SEC24A: variants seen among roughly 807,000 people sequenced by gnomAD.
SEC24A encodes the protein protein transport protein Sec24A.
SEC24A carries 93 observed loss-of-function variants against 129.4 expected under a neutral mutation model. The observed-to-expected ratio is 0.72, with a 90% CI of 0.61 to 0.85. SEC24A has a LOEUF of 0.85. SEC24A is among the 40% of genes least tolerant of loss of function. SEC24A has a pLI of 0.00. For missense variants in SEC24A, 1,264 were observed against 1,307.4 expected (o/e 0.97, Z 0.51); for synonymous variants, 460 against 467.3 (o/e 0.98, Z 0.20).
At position 134,725,996 on chromosome 5, in the gene SEC24A, G is replaced by C. The variant is rs551882959; in HGVS notation, c.*902G>C. On this transcript the variant is annotated 3_prime_UTR_variant, in exon 23 of 23. Transcript: ENST00000398844. ...TGAAGAAATGAAAGGTTTCTAAAGT[G>C]CTATCCAAATACATCAGTAACATTT... is the stretch of plus-strand genomic sequence containing the variant. 1 of 152,414 alleles carries C rather than the reference G, an allele frequency of 6.6e-6. No homozygotes were observed. Among genetic ancestry groups the C allele is most frequent in the African/African-American group, 2.4e-5 (1 of 41,560 alleles). The allele number at this position is 152,414 out of a possible 1,614,324, so 9.4% of individuals were successfully genotyped here.
Position 134,725,177 on chromosome 5 carries a change from A to G in SEC24A, c.*83A>G, listed in dbSNP as rs758890340. 9 of 708,828 alleles carry G rather than the reference A, an allele frequency of 1.3e-5. No individual in the cohort carries two copies. The highest frequency in any genetic ancestry group is 2.7e-5 in the East Asian group (1 of 37,648). The allele number at this position is 708,828 out of a possible 1,614,324, so 43.9% of individuals were successfully genotyped here. A position where few individuals can be genotyped will look rare whatever the true frequency, so the allele number is the denominator to read the frequency against. On this transcript the variant is annotated 3_prime_UTR_variant, in exon 23 of 23. Coordinates refer to ENST00000398844, the MANE Select transcript of SEC24A (RefSeq NM_021982.3). ...GAAATGTGTAATACCTTCTTTTTCT[A>G]TTATGTTTGTGGACTAATGTGATGA...
intron 15 of SEC24A, among the ~76,000 whole-genome samples, chr5:134,700,638 AGAT>A (rs1206060381): frequency 6.6e-6 from 1 of 151,652 alleles, no homozygotes; most frequent in Non-Finnish European, 1.5e-5. Flanking sequence ...ACCATGAGCA[AGAT>A]GAAGGTCTCT....
intron 10 of SEC24A, among the ~76,000 whole-genome samples, 177 bp downstream of exon 10, chr5:134,687,079 A>G (rs951559096): frequency 6.6e-6 from 1 of 152,204 alleles, no homozygotes; most frequent in Non-Finnish European, 1.5e-5. Flanking sequence ...TATAGTTGGT[A>G]GGAAGAATAA....
At chr5:134,721,580 A>T (rs1239354331) in intron 21 of SEC24A, among the ~76,000 whole-genome samples, 1 of 151,212 alleles carries the variant, frequency 6.6e-6, no homozygotes, top group African/African-American at 2.4e-5. Flanking sequence ...AAAAAAAAAA[A>T]AGATAGATAT....
chr5:134,725,172 T>C lies in SEC24A; in HGVS notation c.*78T>C. 1 of 723,540 alleles carries C rather than the reference T, an allele frequency of 1.4e-6. No homozygotes were observed. Among genetic ancestry groups the C allele is most frequent in the East Asian group, 2.6e-5 (1 of 38,304 alleles). 44.8% of individuals were successfully genotyped at this position (723,540 alleles called of 1,614,324 possible). A position where few individuals can be genotyped will look rare whatever the true frequency, so the allele number is the denominator to read the frequency against. Reference sequence around the variant, plus strand: ...ACCTGGAAATGTGTAATACCTTCTTTTTCTATTATGTTTGTGGACTAATGT... The same window carrying C: ...ACCTGGAAATGTGTAATACCTTCTTCTTCTATTATGTTTGTGGACTAATGT... On this transcript the variant is annotated 3_prime_UTR_variant, in exon 23 of 23. Coordinates refer to ENST00000398844, the MANE Select transcript of SEC24A (RefSeq NM_021982.3).
At chr5:134,721,437 C>A (rs1453220120) in intron 21 of SEC24A, among the ~76,000 whole-genome samples, 1 of 151,516 alleles carries the variant, frequency 6.6e-6, no homozygotes, top group Non-Finnish European at 1.5e-5. Context: ...GTGGCGCACA[C>A]CTGTAGTCCC....
chr5:134,706,925 G>A (rs1479142651), intron 17 of SEC24A, among the ~76,000 whole-genome samples: 2 of 151,984 alleles, frequency 1.3e-5, no homozygotes, highest in Non-Finnish European at 2.9e-5. Flanking sequence ...TCTTGACCTC[G>A]TGATCCACCC....
intron 15 of SEC24A, among the ~76,000 whole-genome samples, chr5:134,701,533 C>A (rs542083366): frequency 6.8e-6 from 1 of 146,124 alleles, no homozygotes; most frequent in East Asian, 2.0e-4. Context: ...TTTTTTGAGA[C>A]GGAGTCTCGG....
chr5:134,680,633 C>T (rs1751233641), intron 8 of SEC24A, among the ~76,000 whole-genome samples: 1 of 151,446 alleles, frequency 6.6e-6, no homozygotes. Flanking sequence ...TGCACCCGGC[C>T]AAGAGTTTGT....
At chr5:134,716,280 G>A (rs1752473353) in intron 19 of SEC24A, among the ~76,000 whole-genome samples, 1 of 151,758 alleles carries the variant, frequency 6.6e-6, no homozygotes, top group Admixed American at 6.6e-5. Flanking sequence ...GGCCAAGATG[G>A]TGATACCCTG....
intron 18 of SEC24A, among the ~76,000 whole-genome samples, chr5:134,712,343 C>T (rs190853220): frequency 9.2e-4 from 140 of 151,676 alleles, no homozygotes; most frequent in African/African-American, 3.3e-3. Context: ...CTCCACCTCC[C>T]GGGTTCAAGT....
chr5:134,714,988 T>C (rs1443013652), intron 18 of SEC24A, 36 bp from the exon 19 acceptor site: 3 of 1,591,650 alleles, frequency 1.9e-6, no homozygotes, highest in Admixed American at 3.6e-5. Flanking sequence ...TTTTAAAATA[T>C]ATTCTTTTGT....
chr5:134,688,167 G>A lies in SEC24A; in HGVS notation c.1605-14G>A. The stretch of plus-strand genomic sequence containing the variant: ...TTAAAACTTGATAAAATACTCTTCT[G>A]AATTTGTTTTTAGGCTTCCTGGCAA... On this transcript the variant is annotated splice_polypyrimidine_tract_variant and intron_variant, in intron 10 of 22. Transcript: ENST00000398844. The A allele has an allele frequency of 7.0e-7, 1 of 1,423,488 alleles. No individual in the cohort carries two copies. The highest frequency in any genetic ancestry group is 9.9e-7 in the Non-Finnish European group (1 of 1,006,792). The allele number at this position is 1,423,488 out of a possible 1,614,324, so 88.2% of individuals were successfully genotyped here.
At chr5:134,694,824 A>C (rs1212353157) in intron 13 of SEC24A, among the ~76,000 whole-genome samples, 3 of 151,658 alleles carry the variant, frequency 2.0e-5, no homozygotes, top group Non-Finnish European at 2.9e-5. Flanking sequence ...CGTCTCAAAA[A>C]AAAAAAAAAA....
chr5:134,655,061 A>C (rs1311244812), intron 1 of SEC24A, among the ~76,000 whole-genome samples: 1 of 152,020 alleles, frequency 6.6e-6, no homozygotes, highest in Non-Finnish European at 1.5e-5. Flanking sequence ...GGCTGGTCTC[A>C]AAATCCTGAC....
At chr5:134,721,427 G>T (rs952402033) in intron 21 of SEC24A, among the ~76,000 whole-genome samples, 2 of 151,700 alleles carry the variant, frequency 1.3e-5, no homozygotes, top group African/African-American at 4.9e-5. Context: ...GTTGGGCGTG[G>T]TGGCGCACAC....
At chr5:134,698,119 GT>G in intron 15 of SEC24A, 62 bp downstream of exon 15, 1 of 1,338,492 alleles carries the variant, frequency 7.5e-7, no homozygotes, top group Non-Finnish European at 1.0e-6. Context: ...AAATGTACAT[GT>G]TTTTATCTGG....
intron 1 of SEC24A, among the ~76,000 whole-genome samples, chr5:134,657,630 G>A (rs1750293003): frequency 6.6e-6 from 1 of 152,104 alleles, no homozygotes; most frequent in Non-Finnish European, 1.5e-5. Flanking sequence ...AGGCTAGAGT[G>A]CAGGGGCATG....
chr5:134,680,211 TTTTA>T (rs1751217487), intron 8 of SEC24A, among the ~76,000 whole-genome samples: 1 of 152,190 alleles, frequency 6.6e-6, no homozygotes. Flanking sequence ...ATGTCACAGT[TTTTA>T]TTTGAGGACT....
Sources: allele counts gnomAD v4.1 joint callset (sites outside exome capture counted in the v4.1 genomes callset), GRCh38; gene constraint gnomAD v4.1.1; transcripts MANE v1.5; gene names NCBI Gene and HGNC (gene_info 2026-07-23, HGNC 2026-07-21).